Variants in KLF12 observed in about 807,000 individuals in gnomAD.
KLF12 encodes the protein KLF transcription factor 12, also known as Krueppel-like factor 12.
KLF12 carries 9 observed loss-of-function variants against 37.8 expected under a neutral mutation model. The ratio of observed to expected loss-of-function variants is 0.24; its 90% CI spans 0.14 to 0.42. The LOEUF (loss-of-function observed/expected upper bound fraction) is 0.42. KLF12 is among the 10% of genes least tolerant of loss of function. KLF12 has a pLI of 1.00. For missense variants in KLF12, 411 were observed against 516.0 expected (o/e 0.80, Z 1.97); for synonymous variants, 208 against 202.1 (o/e 1.03, Z -0.25).
chr13:73,977,012 G>T (rs533014841), intron 2 of KLF12, among the ~76,000 whole-genome samples: 1 of 151,326 alleles, frequency 6.6e-6, no homozygotes, highest in Non-Finnish European at 1.5e-5. Context: ...TATCTATTAG[G>T]CAAATATACA....
chr13:74,032,039 A>G (rs1893129474), intron 1 of KLF12, among the ~76,000 whole-genome samples: 1 of 152,198 alleles, frequency 6.6e-6, no homozygotes, highest in African/African-American at 2.4e-5. Flanking sequence ...GAGTTTCTTA[A>G]TTAAGAACTC....
At chr13:74,107,254 T>C (rs1034369007) in intron 1 of KLF12, among the ~76,000 whole-genome samples, 1 of 152,224 alleles carries the variant, frequency 6.6e-6, no homozygotes, top group Admixed American at 6.5e-5. Flanking sequence ...ATAATGAATT[T>C]TGGTGGGACA....
At chr13:74,030,418 C>A (rs1893084153) in intron 1 of KLF12, among the ~76,000 whole-genome samples, 1 of 152,004 alleles carries the variant, frequency 6.6e-6, no homozygotes, top group Admixed American at 6.6e-5. Flanking sequence ...TCTATTACTG[C>A]CAATATATGG....
intron 2 of KLF12, among the ~76,000 whole-genome samples, chr13:73,988,884 A>ATT (rs1323571748): frequency 6.6e-6 from 1 of 152,184 alleles, no homozygotes; most frequent in Non-Finnish European, 1.5e-5. Context: ...ATGCTTTAGA[A>ATT]TTTTTTTCTC....
chr13:73,801,143 A>C (rs970049613), intron 5 of KLF12: 1 of 152,140 alleles, frequency 6.6e-6, no homozygotes, highest in Admixed American at 6.6e-5. Flanking sequence ...ATACAGCAGC[A>C]GGCTATTCCT....
the KLF12 span, among the ~76,000 whole-genome samples, chr13:74,287,317 G>T: frequency 7.8e-6 from 1 of 128,710 alleles, no homozygotes; most frequent in Non-Finnish European, 1.6e-5. Flanking sequence ...ACCTGTCCAG[G>T]CCCCAAGAAA....
the KLF12 span, among the ~76,000 whole-genome samples, chr13:74,303,052 AT>A: frequency 6.6e-6 from 1 of 152,096 alleles, no homozygotes; most frequent in Non-Finnish European, 1.5e-5. Context: ...AGTGGTATTG[AT>A]TGTTATACCA....
chr13:73,838,046 C>T (rs1179754136), intron 4 of KLF12, among the ~76,000 whole-genome samples: 1 of 152,126 alleles, frequency 6.6e-6, no homozygotes, highest in Non-Finnish European at 1.5e-5. Context: ...ACAAAGACAC[C>T]AACAAGTGAG....
chr13:74,286,276 A>G, the KLF12 span, among the ~76,000 whole-genome samples: 1 of 152,244 alleles, frequency 6.6e-6, no homozygotes, highest in Non-Finnish European at 1.5e-5. Flanking sequence ...AGATAAAAGT[A>G]CAAATGTGTT....
intron 1 of KLF12, among the ~76,000 whole-genome samples, chr13:74,022,937 T>C (rs1276809094): frequency 1.4e-5 from 1 of 73,642 alleles, no homozygotes; most frequent in Admixed American, 1.6e-4. Flanking sequence ...TCTGCATCCC[T>C]AACCAAATGG....
At chr13:73,798,820 A>G (rs1181055014) in intron 5 of KLF12, among the ~76,000 whole-genome samples, 1 of 152,244 alleles carries the variant, frequency 6.6e-6, no homozygotes, top group Non-Finnish European at 1.5e-5. Flanking sequence ...GTAGGAGTGT[A>G]AAATGGCTCA....
intron 2 of KLF12, among the ~76,000 whole-genome samples, chr13:73,966,135 T>C (rs1891166030): frequency 6.6e-6 from 1 of 152,232 alleles, no homozygotes; most frequent in African/African-American, 2.4e-5. Context: ...AGTGGTTAAA[T>C]AAGTTATCAC....
At chr13:73,792,878 C>T (rs1341269159) in intron 5 of KLF12, among the ~76,000 whole-genome samples, 1 of 152,154 alleles carries the variant, frequency 6.6e-6, no homozygotes, top group African/African-American at 2.4e-5. Flanking sequence ...TACATTACTG[C>T]GGCTGTACAT....
the KLF12 span, among the ~76,000 whole-genome samples, chr13:74,178,365 G>A: frequency 6.6e-6 from 1 of 152,168 alleles, no homozygotes; most frequent in Non-Finnish European, 1.5e-5. Flanking sequence ...TACACTCATT[G>A]CCTTAAAAGA....
intron 1 of KLF12, among the ~76,000 whole-genome samples, chr13:74,012,141 T>G (rs1362581219): frequency 6.6e-6 from 1 of 152,232 alleles, no homozygotes; most frequent in East Asian, 1.9e-4. Flanking sequence ...AGCACAATCT[T>G]CAGCCCCTTG....
At chr13:73,767,459 C>T (rs1019328983) in intron 5 of KLF12, among the ~76,000 whole-genome samples, 2 of 152,208 alleles carry the variant, frequency 1.3e-5, no homozygotes, top group African/African-American at 4.8e-5. Flanking sequence ...GGCCTTAGTA[C>T]TAACTGCTGG....
chr13:74,061,863 G>GA (rs1226030587), intron 1 of KLF12, among the ~76,000 whole-genome samples: 1 of 152,110 alleles, frequency 6.6e-6, no homozygotes, highest in African/African-American at 2.4e-5. Flanking sequence ...CTTTTAACTG[G>GA]AAAAAATATA....
intron 5 of KLF12, among the ~76,000 whole-genome samples, chr13:73,788,883 C>T (rs1456519855): frequency 6.6e-6 from 1 of 152,050 alleles, no homozygotes; most frequent in Non-Finnish European, 1.5e-5. Flanking sequence ...AGTTTTAATG[C>T]CTTTCTGGTC....
intron 1 of KLF12, among the ~76,000 whole-genome samples, chr13:74,026,761 C>G (rs903790632): frequency 6.6e-6 from 1 of 152,086 alleles, no homozygotes; most frequent in African/African-American, 2.4e-5. Context: ...CTAGAATCTA[C>G]TTACATCAAT....
Sources: allele counts gnomAD v4.1 joint callset (sites outside exome capture counted in the v4.1 genomes callset), GRCh38; gene constraint gnomAD v4.1.1; transcripts MANE v1.5; gene names NCBI Gene and HGNC (gene_info 2026-07-23, HGNC 2026-07-21).